The following NYAP2 variants were observed in gnomAD, a reference collection of about 807,000 sequenced individuals.
NYAP2 encodes the protein neuronal tyrosine-phosphorylated phosphoinositide-3-kinase adaptor 2.
In NYAP2, 23 loss-of-function variants were observed where a neutral mutation model predicts 50.4. That is an observed-to-expected ratio of 0.46 (90% confidence interval 0.33 to 0.65). NYAP2 has a LOEUF of 0.65. Ranked by LOEUF, NYAP2 falls within the 30% of genes least tolerant of loss-of-function variation. NYAP2 has a pLI of 0.02. For synonymous variants in NYAP2, 394 were observed against 365.2 expected (o/e 1.08, Z -0.90); for missense variants, 885 against 861.0 (o/e 1.03, Z -0.35).
At chr2:225,516,977 G>T (rs972097954) in intron 4 of NYAP2, among the ~76,000 whole-genome samples, 1 of 151,932 alleles carries the variant, frequency 6.6e-6, no homozygotes, top group Non-Finnish European at 1.5e-5. Flanking sequence ...TTAAGTAAGG[G>T]ATTATGACTT....
intron 4 of NYAP2, among the ~76,000 whole-genome samples, chr2:225,515,647 C>T (rs955403220): frequency 3.9e-5 from 6 of 152,080 alleles, no homozygotes; most frequent in African/African-American, 1.4e-4. Flanking sequence ...TACTAAAAGG[C>T]CCCAGAGGCC....
At chr2:225,513,878 G>A (rs1308780690) in intron 4 of NYAP2, among the ~76,000 whole-genome samples, 1 of 152,148 alleles carries the variant, frequency 6.6e-6, no homozygotes, top group African/African-American at 2.4e-5. Flanking sequence ...AGTTCAGAAA[G>A]GGTAGGCAAT....
At chr2:225,418,739 G>T (rs1445616782) in intron 3 of NYAP2, among the ~76,000 whole-genome samples, 7 of 152,036 alleles carry the variant, frequency 4.6e-5, no homozygotes, top group Non-Finnish European at 1.0e-4. Context: ...TAGGTATGAG[G>T]TTAAAAATTT....
At chr2:225,399,363 T>C (rs1001531674), upstream of NYAP2, among the ~76,000 whole-genome samples, 1 of 151,948 alleles carries the variant, frequency 6.6e-6, no homozygotes, top group Non-Finnish European at 1.5e-5. Context: ...CACACATATA[T>C]AAGTTGTGGT....
intron 4 of NYAP2, among the ~76,000 whole-genome samples, chr2:225,555,248 G>A (rs2106212250): frequency 1.3e-5 from 2 of 152,254 alleles, no homozygotes; most frequent in South Asian, 4.1e-4. Context: ...AGAAAAACAA[G>A]CGTTTTGTTT....
rs1395528501 is a variant in NYAP2, at chr2:225,639,559, G to T, written c.1829-11873G>T. 2.0e-5 allele frequency among the ~76,000 whole-genome samples: 3 copies of T among 152,120 alleles called. No individual in the cohort carries two copies. The East Asian group carries it at 5.8e-4, about 29-fold the overall frequency. On this transcript the variant is annotated intron_variant, in intron 6 of 6. Transcript: ENST00000636099. ...CTGATAAGTAGTAGATTCAAATAAA[G>T]AAATGAACTTTGGGTTTCTGACTCC...
intron 6 of NYAP2, among the ~76,000 whole-genome samples, chr2:225,644,355 G>A (rs976398105): frequency 6.6e-6 from 1 of 151,236 alleles, no homozygotes; most frequent in Non-Finnish European, 1.5e-5. Flanking sequence ...TTTGTCAGAT[G>A]AGTAGGTTGC....
At chr2:225,646,034 A>G (rs1693630377) in intron 6 of NYAP2, among the ~76,000 whole-genome samples, 1 of 152,178 alleles carries the variant, frequency 6.6e-6, no homozygotes, top group Non-Finnish European at 1.5e-5. Flanking sequence ...GGATCTCTGA[A>G]AGGCATGGTT....
intron 4 of NYAP2, among the ~76,000 whole-genome samples, chr2:225,566,980 G>C (rs1472200227): frequency 1.3e-5 from 2 of 151,998 alleles, no homozygotes; most frequent in African/African-American, 4.8e-5. Context: ...CAATAAGGAT[G>C]CTTTCTGAGA....
chr2:225,639,167 AAAAT>A (rs1693480804), intron 6 of NYAP2, among the ~76,000 whole-genome samples: 1 of 152,186 alleles, frequency 6.6e-6, no homozygotes, highest in Admixed American at 6.5e-5. Context: ...TGGGGAGAAA[AAAAT>A]AATACAGTTT....
intron 4 of NYAP2, among the ~76,000 whole-genome samples, chr2:225,538,778 TTTTCTTTCTTTC>T (rs201335435): frequency 0.13 from 9,819 of 73,454 alleles, 683 homozygotes; most frequent in Non-Finnish European, 0.15. Flanking sequence ...TTTTCTTTTC[TTTTCTTTCTTTC>T]TTTCTTTCTT....
chr2:225,451,555 A>G (rs1294988017), intron 3 of NYAP2, among the ~76,000 whole-genome samples: 2 of 152,196 alleles, frequency 1.3e-5, no homozygotes, highest in African/African-American at 2.4e-5. Flanking sequence ...TATTCTTTAC[A>G]GAAACCATTA....
chr2:225,671,229 A>G, the NYAP2 span, among the ~76,000 whole-genome samples: 1 of 151,804 alleles, frequency 6.6e-6, no homozygotes, highest in African/African-American at 2.4e-5. Flanking sequence ...GTTTGAGAAC[A>G]TTTTCCCCAC....
chr2:225,509,422 G>T (rs1419117173), intron 3 of NYAP2, among the ~76,000 whole-genome samples: 1 of 152,156 alleles, frequency 6.6e-6, no homozygotes, highest in Non-Finnish European at 1.5e-5. Context: ...TTGTTTCTTT[G>T]TTTTAGAGCT....
intron 3 of NYAP2, among the ~76,000 whole-genome samples, chr2:225,463,538 G>A (rs1213103880): frequency 1.3e-5 from 2 of 152,226 alleles, no homozygotes; most frequent in African/African-American, 4.8e-5. Context: ...TGCCCACAAT[G>A]TCTTTTAAAG....
intron 3 of NYAP2, among the ~76,000 whole-genome samples, chr2:225,463,960 T>C (rs1183927816): frequency 6.6e-6 from 1 of 152,146 alleles, no homozygotes; most frequent in Non-Finnish European, 1.5e-5. Context: ...ACAGCTAGAA[T>C]GCAACAAAGA....
chr2:225,679,002 AT>A, the NYAP2 span, among the ~76,000 whole-genome samples: 1 of 152,160 alleles, frequency 6.6e-6, no homozygotes, highest in Non-Finnish European at 1.5e-5. Flanking sequence ...TTTTCTTATC[AT>A]TGTTCAATCC....
chr2:225,662,515 A>G, the NYAP2 span, among the ~76,000 whole-genome samples: 1 of 152,268 alleles, frequency 6.6e-6, no homozygotes, highest in Non-Finnish European at 1.5e-5. Flanking sequence ...ACAGAATCCT[A>G]CGAACAGACA....
chr2:225,410,852 G>A (rs1695027238), intron 3 of NYAP2, among the ~76,000 whole-genome samples: 1 of 152,114 alleles, frequency 6.6e-6, no homozygotes, highest in Non-Finnish European at 1.5e-5. Context: ...AAGGGACTTA[G>A]GAACAGAAAT....
Sources: gnomAD v4.1 joint callset for allele counts (sites outside exome capture counted in the v4.1 genomes callset) on GRCh38, gnomAD v4.1.1 for gene constraint, MANE v1.5 for transcripts, NCBI Gene and HGNC (gene_info 2026-07-23, HGNC 2026-07-21) for gene names.